Variants in TNRC6A observed in about 807,000 individuals in gnomAD.
The protein encoded by TNRC6A is trinucleotide repeat containing adaptor 6A, also known as trinucleotide repeat-containing gene 6A protein.
TNRC6A carries 44 observed loss-of-function variants against 221.2 expected under a neutral mutation model. The observed-to-expected ratio is 0.20, with a 90% confidence interval of 0.16 to 0.26. TNRC6A has a LOEUF of 0.26. Ranked by LOEUF, TNRC6A falls within the 10% of genes least tolerant of loss-of-function variation. TNRC6A has a pLI of 1.00. For synonymous variants in TNRC6A, 847 were observed against 838.5 expected, an observed-to-expected ratio of 1.01 and a Z score of -0.18; for missense variants, 2,199 against 2,404.4, an observed-to-expected ratio of 0.91 and a Z score of 1.79.
intron 2 of TNRC6A, among the ~76,000 whole-genome samples, chr16:24,648,311 G>A (rs532814449): frequency 8.8e-5 from 11 of 124,628 alleles, no homozygotes; most frequent in East Asian, 6.9e-4. Flanking sequence ...TCGCTCTGTC[G>A]CCCAGGCTGG....
chr16:24,688,681 C>T (rs2055690924), intron 2 of TNRC6A, among the ~76,000 whole-genome samples: 1 of 152,190 alleles, frequency 6.6e-6, no homozygotes, highest in Admixed American at 6.5e-5. Context: ...TCAGGATGCA[C>T]ACATCTCTCC....
At chr16:24,664,523 T>C (rs1338879630) in intron 2 of TNRC6A, among the ~76,000 whole-genome samples, 8 of 142,778 alleles carry the variant, frequency 5.6e-5, no homozygotes, top group Non-Finnish European at 9.1e-5. Flanking sequence ...ATATAATAAA[T>C]ATAATATATA....
rs562957410 is a variant in TNRC6A, at chr16:24,641,175, A to G, written n.402+166A>G. 6.6e-5 allele frequency among the ~76,000 whole-genome samples: 10 copies of G among 152,178 alleles called. No individual in the cohort carries two copies. The South Asian group carries it at 2.1e-3, about 32-fold the overall frequency. ...AAAGGGGGCAAGGTTTGAAACTCAG[A>G]CCTCACGATCCTGGGACAGAGGCCA... On this transcript the variant is annotated intron_variant and non_coding_transcript_variant, in intron 2 of 2. Coordinates refer to the TNRC6A transcript ENST00000566108.
chr16:24,616,569 A>C (rs1900362359), intron 1 of TNRC6A, among the ~76,000 whole-genome samples: 1 of 152,106 alleles, frequency 6.6e-6, no homozygotes, highest in South Asian at 2.1e-4. Flanking sequence ...ATTCTTTGAT[A>C]TTTGTTAAGA....
intron 2 of TNRC6A, among the ~76,000 whole-genome samples, chr16:24,686,066 C>T (rs534591849): frequency 9.8e-5 from 15 of 152,302 alleles, no homozygotes; most frequent in Admixed American, 9.8e-4. Context: ...TAGTGAAAAC[C>T]AGGACCTCTT....
intron 4 of TNRC6A, among the ~76,000 whole-genome samples, chr16:24,769,325 G>C (rs977214358): frequency 6.6e-6 from 1 of 151,994 alleles, no homozygotes; most frequent in African/African-American, 2.4e-5. Flanking sequence ...TTGGAACACA[G>C]ACTAGGAAAA....
At chr16:24,734,728 CCTT>C (rs1254006248) in intron 2 of TNRC6A, among the ~76,000 whole-genome samples, 1 of 152,084 alleles carries the variant, frequency 6.6e-6, no homozygotes, top group African/African-American at 2.4e-5. Flanking sequence ...TTTGGTTTCT[CCTT>C]TTTTATTCTA....
intron 2 of TNRC6A, among the ~76,000 whole-genome samples, chr16:24,748,206 A>G (rs1376578939): frequency 1.3e-5 from 2 of 152,188 alleles, no homozygotes; most frequent in African/African-American, 4.8e-5. Flanking sequence ...CAGTTTTTTC[A>G]TGAAGAAACA....
At position 24,791,161 on chromosome 16, in the gene TNRC6A, G is replaced by A; in HGVS notation, c.2519G>A (p.Gly840Asp). 20 of 1,614,116 alleles carry A rather than the reference G, an allele frequency of 1.2e-5. No individual in the cohort carries two copies. The highest frequency in any genetic ancestry group is 1.6e-5 in the Non-Finnish European group (19 of 1,180,022). ...NDSQKNKQGW[G>D]DGQKSSQGWS... ...TCGCAAAAGAATAAACAGGGATGGGGTGATGGACAAAAATCAAGCCAAGGG... is the reference window on the plus strand; with the variant it reads ...TCGCAAAAGAATAAACAGGGATGGGATGATGGACAAAAATCAAGCCAAGGG... The change falls in exon 6 of 25, where the codon GGT becomes GAT. Residue 840 changes from glycine (G) to aspartate (D), a missense_variant. By Grantham distance (94) the Gly-to-Asp change is moderately conservative. Around this residue, in one of 8 missense-constraint regions of TNRC6A, gnomAD observed 1,405 missense variants for 1,400.2 expected, o/e 1.00. Coordinates refer to ENST00000395799, the MANE Select transcript of TNRC6A (RefSeq NM_014494.4).
chr16:24,795,322 C>G (rs2058196634), intron 8 of TNRC6A, among the ~76,000 whole-genome samples: 1 of 152,130 alleles, frequency 6.6e-6, no homozygotes, highest in Non-Finnish European at 1.5e-5. Flanking sequence ...GGAAATTGGA[C>G]CAAGTTTCTT....
At chr16:24,721,961 G>A (rs888360307) in intron 2 of TNRC6A, among the ~76,000 whole-genome samples, 5 of 152,190 alleles carry the variant, frequency 3.3e-5, no homozygotes, top group African/African-American at 1.2e-4. Flanking sequence ...TTGTGGTGAT[G>A]TGAATCAGAA....
rs185961880 is a variant in TNRC6A at position 24,750,079 on chromosome 16, G to T, written c.54-647G>T. On this transcript the variant is annotated intron_variant, in intron 2 of 24. Transcript: ENST00000395799. ...CACTTGAACTCGGGAGGTGGAGGCT[G>T]CAGTGAGCAGAGATCATGCCACTGC... Among the ~76,000 whole-genome samples, 6 of 152,322 alleles carry T rather than the reference G, an allele frequency of 3.9e-5. No homozygotes were observed. In the East Asian group the frequency reaches 1.2e-3, roughly 29 times the overall value.
At chr16:24,662,052 T>C (rs1288048822) in intron 2 of TNRC6A, 1 of 152,104 alleles carries the variant, frequency 6.6e-6, no homozygotes, top group African/African-American at 2.4e-5. Flanking sequence ...TGGAGTGAGA[T>C]ACTGCCTCTA....
chr16:24,703,949 TG>T (rs1373790147), intron 2 of TNRC6A, among the ~76,000 whole-genome samples: 1 of 151,620 alleles, frequency 6.6e-6, no homozygotes, highest in African/African-American at 2.4e-5. Flanking sequence ...CTGGGCGTGG[TG>T]ATGCGTACTT....
intron 2 of TNRC6A, among the ~76,000 whole-genome samples, chr16:24,717,768 TTC>T (rs1483189582): frequency 4.1e-4 from 55 of 135,162 alleles, no homozygotes; most frequent in African/African-American, 1.4e-3. Flanking sequence ...CTTTTTTTTT[TTC>T]TTTTTTTTTT....
At chr16:24,787,296 C>T (rs1443387923) in intron 5 of TNRC6A, among the ~76,000 whole-genome samples, 2 of 152,292 alleles carry the variant, frequency 1.3e-5, no homozygotes, top group African/African-American at 4.8e-5. Flanking sequence ...AGAGTCCTGT[C>T]TACATTCTTA....
At position 24,791,827 on chromosome 16, in the gene TNRC6A, T is replaced by A; in HGVS notation, c.3175+10T>A. ...GCAAGCAGTGGCTCTGGTAAGTTTC[T>A]ATTTTATGAAATCAAGCCTTGTTTT... On this transcript the variant is annotated intron_variant, in intron 6 of 24. Transcript: ENST00000395799. 6.6e-7 allele frequency: 1 copy of A among 1,506,272 alleles called. No homozygotes were observed. Among genetic ancestry groups the A allele is most frequent in the Non-Finnish European group, 8.8e-7 (1 of 1,132,396 alleles). The allele number at this position is 1,506,272 out of a possible 1,614,324, so 93.3% of individuals were successfully genotyped here. A position where few individuals can be genotyped will look rare whatever the true frequency, so the allele number is the denominator to read the frequency against.
At chr16:24,656,392 G>A (rs2054913160) in intron 2 of TNRC6A, among the ~76,000 whole-genome samples, 2 of 151,156 alleles carry the variant, frequency 1.3e-5, no homozygotes, top group South Asian at 4.2e-4. Flanking sequence ...GCTTGAACCC[G>A]GGAGGCGGAG....
chr16:24,791,007 G>C lies in TNRC6A; in HGVS notation c.2365G>C (p.Ala789Pro). 1.9e-6 allele frequency: 3 copies of C among 1,593,038 alleles called. No homozygotes were observed. Among genetic ancestry groups the C allele is most frequent in the Non-Finnish European group, 2.6e-6 (3 of 1,169,564 alleles). Residue 789 changes from alanine (A) to proline (P), a missense_variant, in exon 6 of 25, where the codon GCT (alanine) becomes CCT (proline). Ala to Pro is a conservative substitution (Grantham distance 27, BLOSUM62 -1). Transcript: ENST00000395799. ...SVSGWGDPKP[A>P]LRWGDSKGSN... ...ATCAGGGTGGGGCGATCCCAAACCTGCTCTGAGGTGGGGAGATTCCAAAGG... is the reference window on the plus strand; with the variant it reads ...ATCAGGGTGGGGCGATCCCAAACCTCCTCTGAGGTGGGGAGATTCCAAAGG...
Sources: allele counts gnomAD v4.1 joint callset (sites outside exome capture counted in the v4.1 genomes callset), GRCh38; gene constraint gnomAD v4.1.1; regional missense constraint gnomAD v4.1.1; transcripts MANE v1.5; gene names NCBI Gene and HGNC (gene_info 2026-07-23, HGNC 2026-07-21).